The following GPC5 variants were observed in gnomAD, a reference collection of about 807,000 sequenced individuals.
GPC5 encodes the protein glypican-5.
Under a neutral mutation model 53.9 loss-of-function variants are expected in GPC5, and 47 were observed. That is an observed-to-expected ratio of 0.87 (90% CI 0.69 to 1.11). GPC5 has a LOEUF of 1.11. Among genes scored for constraint, GPC5 ranks in the 50% most tolerant of loss-of-function variants. The pLI is 0.00. For missense variants in GPC5, 748 were observed against 713.1 expected (o/e 1.05, Z -0.56); for synonymous variants, 286 against 263.3 (o/e 1.09, Z -0.84).
At chr13:91,564,738 A>G (rs1027284598) in intron 2 of GPC5, among the ~76,000 whole-genome samples, 12 of 152,126 alleles carry the variant, frequency 7.9e-5, no homozygotes, top group Non-Finnish European at 1.6e-4. Context: ...ATTTTTTTCC[A>G]GGTATCAAAT....
At chr13:92,261,583 G>A (rs1234393049) in intron 7 of GPC5, among the ~76,000 whole-genome samples, 1 of 152,028 alleles carries the variant, frequency 6.6e-6, no homozygotes, top group African/African-American at 2.4e-5. Flanking sequence ...CAGCTTTAAA[G>A]AAATGATTAA....
At chr13:91,965,022 G>A (rs2040166991) in intron 6 of GPC5, among the ~76,000 whole-genome samples, 1 of 145,220 alleles carries the variant, frequency 6.9e-6, no homozygotes, top group African/African-American at 2.5e-5. Flanking sequence ...TCGTAGGTGG[G>A]AATTGAACAA....
At chr13:91,441,010 A>T (rs982030652) in intron 1 of GPC5, among the ~76,000 whole-genome samples, 1 of 152,198 alleles carries the variant, frequency 6.6e-6, no homozygotes, top group Non-Finnish European at 1.5e-5. Flanking sequence ...CTAGTTCTTC[A>T]ATCCAGAAAA....
intron 5 of GPC5, among the ~76,000 whole-genome samples, chr13:91,762,586 CT>C (rs35381702): frequency 0.37 from 52,251 of 142,502 alleles, 9,825 homozygotes; most frequent in East Asian, 0.65. Context: ...TTTTCTATTT[CT>C]TTTTTTTTTT....
rs184744576 is a variant in GPC5, at chr13:91,918,246, T to C, written c.1401+10189T>C. ...AACAGCATAAGGGAAACCACCCCCATGATTCAATTACTTCTTCCTGGTCCT... is the reference window on the plus strand; with the variant it reads ...AACAGCATAAGGGAAACCACCCCCACGATTCAATTACTTCTTCCTGGTCCT... On this transcript the variant is annotated intron_variant, in intron 6 of 7. Coordinates refer to ENST00000377067, the MANE Select transcript of GPC5 (RefSeq NM_004466.6). Among the ~76,000 whole-genome samples the C allele has an allele frequency of 3.9e-4, 60 of 152,298 alleles. 1 individual carries two copies. In the East Asian group the frequency reaches 0.011, roughly 29 times the overall value.
intron 4 of GPC5, among the ~76,000 whole-genome samples, chr13:91,742,927 G>C (rs944044477): frequency 1.3e-5 from 2 of 151,968 alleles, no homozygotes; most frequent in African/African-American, 2.4e-5. Context: ...CCATAGACAT[G>C]GCTAGAAATT....
Position 92,742,278 on chromosome 13 carries a change from T to C in GPC5, c.1562-124004T>C, listed in dbSNP as rs567797383. ...CCTGACTTTTTAATGATTGCCATTC[T>C]AACTGGTGTGAGATGGTATCTCATT... is the stretch of plus-strand genomic sequence containing the variant. On this transcript the variant is annotated intron_variant, in intron 7 of 7. Transcript: ENST00000377067. 2.3e-3 allele frequency among the ~76,000 whole-genome samples: 346 copies of C among 151,920 alleles called. 2 individuals carry two copies. In the Middle Eastern group the frequency reaches 0.024, roughly 10 times the overall value.
intron 7 of GPC5, among the ~76,000 whole-genome samples, chr13:92,837,336 A>T (rs567208690): frequency 2.0e-4 from 30 of 152,208 alleles, no homozygotes; most frequent in Non-Finnish European, 3.7e-4. Context: ...AAATCAAATT[A>T]GCAAGCACCA....
At chr13:92,077,418 G>A (rs1673751175) in intron 6 of GPC5, among the ~76,000 whole-genome samples, 1 of 152,278 alleles carries the variant, frequency 6.6e-6, no homozygotes, top group East Asian at 1.9e-4. Context: ...TTACAGAGTA[G>A]ATGACTCTGT....
intron 7 of GPC5, among the ~76,000 whole-genome samples, chr13:92,385,782 T>TATATACATATATACGTATATATACAC (rs199814375): frequency 1.7e-5 from 2 of 117,766 alleles, no homozygotes; most frequent in African/African-American, 3.6e-5. Flanking sequence ...TATACATATA[T>TATATACATATATACGTATATATACAC]GTATATATAT....
chr13:92,191,107 A>ACC (rs1478006414), intron 7 of GPC5, among the ~76,000 whole-genome samples: 2 of 152,276 alleles, frequency 1.3e-5, no homozygotes, highest in East Asian at 3.9e-4. Context: ...CAGGAAAGTT[A>ACC]CTGGAGATAA....
intron 6 of GPC5, among the ~76,000 whole-genome samples, chr13:91,977,176 A>G (rs567321629): frequency 1.3e-5 from 2 of 152,222 alleles, no homozygotes. Context: ...TGTTAAAAAT[A>G]TGATATGTAA....
intron 7 of GPC5, among the ~76,000 whole-genome samples, chr13:92,207,662 C>T (rs1483008872): frequency 1.3e-5 from 2 of 152,170 alleles, no homozygotes; most frequent in African/African-American, 4.8e-5. Flanking sequence ...TTCTTGCCTT[C>T]ATCTTCTCTT....
At chr13:92,568,051 A>T (rs1182683309) in intron 7 of GPC5, among the ~76,000 whole-genome samples, 1 of 152,138 alleles carries the variant, frequency 6.6e-6, no homozygotes, top group Non-Finnish European at 1.5e-5. Context: ...GGCTGAGCAC[A>T]GTGGCTCACG....
At chr13:91,409,636 C>T (rs1171066435) in intron 1 of GPC5, among the ~76,000 whole-genome samples, 2 of 152,178 alleles carry the variant, frequency 1.3e-5, no homozygotes, top group Non-Finnish European at 2.9e-5. Context: ...ATTATGATCA[C>T]ATATTTTCTT....
chr13:91,507,622 G>T (rs613005), intron 2 of GPC5, among the ~76,000 whole-genome samples: 135,970 of 152,204 alleles, frequency 0.89, 62,629 homozygotes, highest in Non-Finnish European at 1. Context: ...TGGAAATTAT[G>T]GGAGCTAAAG....
chr13:92,081,395 C>A (rs1292635093), intron 6 of GPC5, among the ~76,000 whole-genome samples: 1 of 152,228 alleles, frequency 6.6e-6, no homozygotes, highest in African/African-American at 2.4e-5. Flanking sequence ...AGCCACCGCG[C>A]CTGACCTGTG....
intron 6 of GPC5, among the ~76,000 whole-genome samples, chr13:91,993,654 T>C (rs1321189649): frequency 6.6e-6 from 1 of 152,224 alleles, no homozygotes; most frequent in Non-Finnish European, 1.5e-5. Context: ...TCAGGCTTTA[T>C]TCAATATCCA....
intron 6 of GPC5, among the ~76,000 whole-genome samples, chr13:91,993,694 T>A (rs2040478210): frequency 1.3e-5 from 2 of 152,174 alleles, no homozygotes; most frequent in South Asian, 4.1e-4. Context: ...GAAAATGAAA[T>A]ACTCTTTTTT....
Sources: allele counts gnomAD v4.1 joint callset (sites outside exome capture counted in the v4.1 genomes callset), GRCh38; gene constraint gnomAD v4.1.1; transcripts MANE v1.5; gene names NCBI Gene and HGNC (gene_info 2026-07-23, HGNC 2026-07-21).